The following SHPRH variants were observed in gnomAD, a reference collection of about 807,000 sequenced individuals.
SHPRH encodes the protein E3 ubiquitin-protein ligase SHPRH.
A neutral mutation model predicts 202.5 loss-of-function variants in SHPRH; 106 were observed. The observed-to-expected ratio is 0.52, with a 90% CI of 0.45 to 0.62. SHPRH has a LOEUF of 0.62. Ranked by LOEUF, SHPRH falls within the 20% of genes least tolerant of loss-of-function variation. The pLI is 0.00. For synonymous variants in SHPRH, 729 were observed against 686.0 expected (o/e 1.06, Z -0.98); for missense variants, 1,710 against 2,020.0 (o/e 0.85, Z 2.94).
At chr6:145,949,191 A>C (rs946202857) in intron 4 of SHPRH, among the ~76,000 whole-genome samples, 12 of 152,010 alleles carry the variant, frequency 7.9e-5, no homozygotes, top group African/African-American at 2.7e-4. Flanking sequence ...TCTATCATTC[A>C]CTCCAGAACA....
At chr6:145,954,205 G>T (rs1035554474) in intron 2 of SHPRH, among the ~76,000 whole-genome samples, 4 of 151,962 alleles carry the variant, frequency 2.6e-5, no homozygotes, top group Admixed American at 1.3e-4. Context: ...GGTATATGGA[G>T]AAAATAAATC....
chr6:145,949,837 A>G (rs1017153038), intron 4 of SHPRH, among the ~76,000 whole-genome samples: 1 of 152,150 alleles, frequency 6.6e-6, no homozygotes, highest in Non-Finnish European at 1.5e-5. Flanking sequence ...TGCAAAGTCT[A>G]GGAAAATTCA....
chr6:145,886,715 G>T lies in SHPRH; in HGVS notation c.5028C>A (p.Thr1676=). Residue 1676 remains threonine, a synonymous_variant, in exon 30 of 30, where the codon ACC becomes ACA. Coordinates refer to ENST00000275233, the MANE Select transcript of SHPRH (RefSeq NM_001042683.3). ...TTCATTCAAGCTCTTCAGTTTCTTT[G>T]GTAAATAGGTCTGCCAGGTCAGCCA... The part of the protein sequence containing the change: ...LTVADLADLF[T]KETEELE 6.2e-7 allele frequency: 1 copy of T among 1,613,534 alleles called. No homozygotes were observed. Among genetic ancestry groups the T allele is most frequent in the South Asian group, 1.1e-5 (1 of 91,040 alleles).
chr6:145,945,626 T>G lies in SHPRH; in HGVS notation c.1333A>C (p.Met445Leu). ...EKVQCPPTRV[M>L]ILTAVKEMNG... Reference sequence around the variant, plus strand: ...ATTTCTTTCACAGCTGTCAGTATCATCACACGTGTAGCTAAATGTAAAAGG... The same window carrying G: ...ATTTCTTTCACAGCTGTCAGTATCAGCACACGTGTAGCTAAATGTAAAAGG... Residue 445 changes from methionine (M) to leucine (L), a missense_variant, in exon 8 of 30, where the codon ATG (methionine) becomes CTG (leucine). This residue lies in a region of SHPRH where 348 missense variants were observed against 356.9 expected (regional missense o/e 0.97). Coordinates refer to ENST00000275233, the MANE Select transcript of SHPRH (RefSeq NM_001042683.3). 2 of 1,609,150 alleles carry G rather than the reference T, an allele frequency of 1.2e-6. No individual in the cohort carries two copies. The highest frequency in any genetic ancestry group is 8.5e-7 in the Non-Finnish European group (1 of 1,178,338).
chr6:145,902,648 A>G (rs1211886336), intron 25 of SHPRH, among the ~76,000 whole-genome samples: 2 of 150,862 alleles, frequency 1.3e-5, no homozygotes, highest in East Asian at 3.9e-4. Context: ...GGGAAAAAAG[A>G]GGGCGCAATA....
chr6:145,963,909 G>C lies in SHPRH; in HGVS notation c.-211C>G, dbSNP rs539684772. The C allele has an allele frequency of 6.6e-6, 1 of 152,450 alleles. No individual in the cohort carries two copies. Among genetic ancestry groups the C allele is most frequent in the African/African-American group, 2.4e-5 (1 of 41,586 alleles). The allele number at this position is 152,450 out of a possible 1,614,324, so 9.4% of individuals were successfully genotyped here. ...ACAAACACCGCAGGCCCCAGTGCAT[G>C]AGGAGAAGCACAGCCTCCTTTCCCA... On this transcript the variant is annotated 5_prime_UTR_variant, in exon 1 of 30. An upstream open reading frame in the 5' UTR gains an earlier in-frame stop. Coordinates refer to ENST00000275233, the MANE Select transcript of SHPRH (RefSeq NM_001042683.3).
At chr6:145,913,863 A>C (rs1783710919) in intron 23 of SHPRH, among the ~76,000 whole-genome samples, 1 of 152,182 alleles carries the variant, frequency 6.6e-6, no homozygotes, top group Non-Finnish European at 1.5e-5. Context: ...ATGACAATCA[A>C]GGTAAATGTT....
intron 28 of SHPRH, among the ~76,000 whole-genome samples, chr6:145,892,035 T>C (rs910397739): frequency 6.6e-6 from 1 of 152,168 alleles, no homozygotes; most frequent in Non-Finnish European, 1.5e-5. Flanking sequence ...TTAATAAACA[T>C]GTCTCTTTCC....
At chr6:145,921,103 C>T (rs1224640728) in intron 21 of SHPRH, 64 bp downstream of exon 21, 21 of 1,355,076 alleles carry the variant, frequency 1.5e-5, no homozygotes, top group Non-Finnish European at 2.1e-5. Flanking sequence ...AAAAAAGTAG[C>T]AGTTAAAATT....
downstream of SHPRH, among the ~76,000 whole-genome samples, chr6:145,861,379 C>T (rs2246132): frequency 6.0e-5 from 9 of 151,114 alleles, no homozygotes; most frequent in African/African-American, 1.9e-4. Flanking sequence ...GAAATGTAAA[C>T]GAAAACTACA....
At position 145,933,022 on chromosome 6, in the gene SHPRH, T is replaced by C. The variant is rs1302814744; in HGVS notation, c.3112+35A>G. On this transcript the variant is annotated intron_variant, in intron 14 of 29. Transcript: ENST00000275233. ...ATAATTAACCTTCCTCAGGAAGTGT[T>C]TGAAAGAATCAGAGATAAAGCAATC... 6 of 1,601,128 alleles carry C rather than the reference T, an allele frequency of 3.7e-6. No homozygotes were observed. In the Admixed American group the frequency reaches 5.1e-5, roughly 14 times the overall value.
intron 1 of SHPRH, among the ~76,000 whole-genome samples, chr6:145,962,218 C>T (rs534376299): frequency 6.6e-6 from 1 of 152,296 alleles, no homozygotes; most frequent in East Asian, 1.9e-4. Context: ...GCCTCTCTCT[C>T]CTCGATCCCA....
chr6:145,931,690 T>C (rs1034452291), intron 14 of SHPRH, among the ~76,000 whole-genome samples: 1 of 152,130 alleles, frequency 6.6e-6, no homozygotes, highest in Non-Finnish European at 1.5e-5. Flanking sequence ...CTCTAACTCC[T>C]TGTTGTATGT....
rs755707057 is a variant in SHPRH at position 145,941,758 on chromosome 6, T to C, written c.2355A>G (p.Pro785=). The C allele has an allele frequency of 6.2e-7, 1 of 1,614,048 alleles. No homozygotes were observed. Among genetic ancestry groups the C allele is most frequent in the Non-Finnish European group, 8.5e-7 (1 of 1,179,984 alleles). Residue 785 remains proline (P), a synonymous_variant, in exon 10 of 30, where the codon CCA becomes CCG. Coordinates refer to ENST00000275233, the MANE Select transcript of SHPRH (RefSeq NM_001042683.3). ...GACGCCCATCCTCACTATTGCTATGTGGGATATCGACATAATTTAATTCTG... is the reference window on the plus strand; with the variant it reads ...GACGCCCATCCTCACTATTGCTATGCGGGATATCGACATAATTTAATTCTG... The part of the protein sequence containing the change: ...LRSELNYVDI[P]HSNSEDGRRL...
Position 145,923,700 on chromosome 6 carries a change from C to T in SHPRH, c.3488G>A (p.Arg1163Gln), listed in dbSNP as rs758405406. The change falls in exon 18 of 30, where the codon CGA (arginine) becomes CAA (glutamine). Residue 1163 changes from arginine to glutamine, a missense_variant. Transcript: ENST00000275233. ...TIDEELVQRV[R>Q]NEITSNYKQQ... ...CTTGTAGTTGCTGGTTATTTCATTT[C>T]GCACTCGCTGAACTAGCTCCTCATC... 4.0e-5 allele frequency: 65 copies of T among 1,611,856 alleles called. No individual in the cohort carries two copies. The East Asian group carries it at 9.2e-4, about 23-fold the overall frequency.
chr6:145,897,677 C>T (rs543149602), intron 25 of SHPRH, among the ~76,000 whole-genome samples: 1 of 152,152 alleles, frequency 6.6e-6, no homozygotes, highest in South Asian at 2.1e-4. Flanking sequence ...AAAGGGATCA[C>T]TCACCATGAT....
At chr6:145,945,730 TAAGA>T (rs1216122194) in intron 7 of SHPRH, 93 bp from the exon 8 acceptor site, 13 of 1,304,680 alleles carry the variant, frequency 1.0e-5, no homozygotes, top group African/African-American at 7.5e-5. Flanking sequence ...AGGACTGAGT[TAAGA>T]AAGAAATAAA....
At chr6:145,889,985 C>T (rs1348385344) in intron 28 of SHPRH, among the ~76,000 whole-genome samples, 3 of 152,170 alleles carry the variant, frequency 2.0e-5, no homozygotes, top group Non-Finnish European at 4.4e-5. Flanking sequence ...TATCCTCTTG[C>T]CTACTCAAGG....
intron 1 of SHPRH, among the ~76,000 whole-genome samples, 200 bp from the exon 2 acceptor site, chr6:145,955,554 A>G (rs980970499): frequency 3.9e-5 from 6 of 152,182 alleles, no homozygotes; most frequent in African/African-American, 1.4e-4. Context: ...TCATTTATCA[A>G]ATAAATTCTA....
Sources: allele counts gnomAD v4.1 joint callset (sites outside exome capture counted in the v4.1 genomes callset), GRCh38; gene constraint gnomAD v4.1.1; regional missense constraint gnomAD v4.1.1; transcripts MANE v1.5; gene names NCBI Gene and HGNC (gene_info 2026-07-23, HGNC 2026-07-21).